SDK1: variants seen among roughly 807,000 people sequenced by gnomAD.
SDK1 encodes protein sidekick-1.
A neutral mutation model predicts 245.5 loss-of-function variants in SDK1; 157 were observed. The ratio of observed to expected loss-of-function variants is 0.64; its 90% confidence interval spans 0.56 to 0.73. The LOEUF is 0.73. Among genes scored for constraint, SDK1 ranks in the 30% least tolerant of loss-of-function variants. SDK1 has a pLI of 0.00. For missense variants in SDK1, 3,583 were observed against 3,002.3 expected (o/e 1.19, Z -4.52); for synonymous variants, 1,647 against 1,278.5 (o/e 1.29, Z -6.15).
At chr7:3,816,509 A>G (rs1181079438) in intron 4 of SDK1, among the ~76,000 whole-genome samples, 5 of 151,382 alleles carry the variant, frequency 3.3e-5, no homozygotes, top group Non-Finnish European at 5.9e-5. Flanking sequence ...AAATGGATAC[A>G]TTCCTTGACA....
intron 5 of SDK1, among the ~76,000 whole-genome samples, chr7:3,897,770 A>C (rs757490833): frequency 1.3e-5 from 2 of 151,848 alleles, no homozygotes; most frequent in Non-Finnish European, 2.9e-5. Context: ...TGTGTGTTAT[A>C]ATGGGAAGAA....
chr7:3,363,164 A>G (rs1452218698), intron 1 of SDK1, among the ~76,000 whole-genome samples: 3 of 152,230 alleles, frequency 2.0e-5, no homozygotes, highest in Non-Finnish European at 2.9e-5. Flanking sequence ...CTCGGCAACC[A>G]TGAATCTGTT....
At chr7:3,935,025 A>T (rs1452314066) in intron 5 of SDK1, among the ~76,000 whole-genome samples, 1 of 152,220 alleles carries the variant, frequency 6.6e-6, no homozygotes, top group Non-Finnish European at 1.5e-5. Context: ...ATTGGCAAGA[A>T]CAACTTTGAG....
intron 12 of SDK1, among the ~76,000 whole-genome samples, chr7:3,973,684 A>G (rs1159444525): frequency 6.6e-6 from 1 of 151,986 alleles, no homozygotes; most frequent in Non-Finnish European, 1.5e-5. Flanking sequence ...CGGGGCAGGA[A>G]TGTTGGGTGC....
chr7:4,119,185 C>T (rs767643333), intron 25 of SDK1, among the ~76,000 whole-genome samples: 1 of 148,522 alleles, frequency 6.7e-6, no homozygotes, highest in Admixed American at 6.7e-5. Context: ...GGCTGTGATT[C>T]GTACCTGTAA....
At chr7:3,525,257 G>C (rs961801405) in intron 1 of SDK1, among the ~76,000 whole-genome samples, 1 of 152,028 alleles carries the variant, frequency 6.6e-6, no homozygotes, top group Non-Finnish European at 1.5e-5. Flanking sequence ...TGTACGTGAT[G>C]ATGGGCCTCT....
intron 1 of SDK1, among the ~76,000 whole-genome samples, chr7:3,505,422 A>T (rs1231230632): frequency 6.6e-6 from 1 of 151,992 alleles, no homozygotes; most frequent in Non-Finnish European, 1.5e-5. Context: ...CCAGTTTTTG[A>T]AATCTTTTTG....
intron 5 of SDK1, among the ~76,000 whole-genome samples, chr7:3,906,555 G>T (rs1778943949): frequency 6.7e-6 from 1 of 149,696 alleles, no homozygotes. Context: ...ATGGTTTAGA[G>T]CTGGTTTAAA....
intron 1 of SDK1, among the ~76,000 whole-genome samples, chr7:3,446,552 G>C (rs929750498): frequency 2.6e-5 from 4 of 152,148 alleles, no homozygotes; most frequent in Admixed American, 2.0e-4. Flanking sequence ...TGCAGAAGCT[G>C]TATCATGCTA....
chr7:3,987,116 A>C, intron 13 of SDK1, 70 bp from the exon 14 acceptor site: 12 of 1,521,434 alleles, frequency 7.9e-6, no homozygotes, highest in South Asian at 1.2e-5. Flanking sequence ...GTCTGCTGTA[A>C]GAGCTCAGGC....
At chr7:4,223,541 C>T (rs1001567039) in intron 40 of SDK1, among the ~76,000 whole-genome samples, 2 of 152,210 alleles carry the variant, frequency 1.3e-5, no homozygotes, top group African/African-American at 4.8e-5. Context: ...AGGTGCTTCA[C>T]CCATCTCTGC....
At chr7:3,413,694 C>T (rs538567232) in intron 1 of SDK1, among the ~76,000 whole-genome samples, 21 of 151,908 alleles carry the variant, frequency 1.4e-4, no homozygotes, top group African/African-American at 4.6e-4. Context: ...CTCAAACAAA[C>T]AAATAAATAA....
chr7:3,334,008 A>G (rs946548626), intron 1 of SDK1, among the ~76,000 whole-genome samples: 26 of 152,186 alleles, frequency 1.7e-4, no homozygotes, highest in African/African-American at 4.8e-4. Flanking sequence ...AAGTGGCTAC[A>G]TCACACTTAG....
chr7:3,495,300 C>G (rs1232301437), intron 1 of SDK1, among the ~76,000 whole-genome samples: 1 of 148,896 alleles, frequency 6.7e-6, no homozygotes, highest in African/African-American at 2.5e-5. Context: ...CTCTGCCACC[C>G]AGGCTGGAGT....
chr7:4,080,875 AAAAAAAG>A (rs1234286121), intron 22 of SDK1, among the ~76,000 whole-genome samples: 1 of 152,182 alleles, frequency 6.6e-6, no homozygotes, highest in Non-Finnish European at 1.5e-5. Context: ...AAATTACAAT[AAAAAAAG>A]AAAAAAGAAA....
chr7:3,728,332 A>C (rs1779076100), intron 4 of SDK1, among the ~76,000 whole-genome samples: 1 of 152,222 alleles, frequency 6.6e-6, no homozygotes. Context: ...TCTTCTCTTA[A>C]ATCTGACCAA....
rs1389995885 is a variant in SDK1, at chr7:3,359,867, C to G, written c.298+57983C>G. 2.0e-5 allele frequency among the ~76,000 whole-genome samples: 3 copies of G among 152,138 alleles called. No individual in the cohort carries two copies. The East Asian group carries it at 5.8e-4, about 29-fold the overall frequency. ...ACAGGAATTCTTACTGTACCTGTGA[C>G]CCATGAAGTCTTAGGGCAAATGTAG... On this transcript the variant is annotated intron_variant, in intron 1 of 44. Transcript: ENST00000404826.
At chr7:3,390,055 C>T (rs906262246) in intron 1 of SDK1, among the ~76,000 whole-genome samples, 5 of 152,070 alleles carry the variant, frequency 3.3e-5, no homozygotes, top group African/African-American at 1.2e-4. Context: ...TCTTAGAGCT[C>T]TACGGAAAGC....
rs138368275 is a variant in SDK1, at chr7:3,676,483, G to A, written c.713+34378G>A. Among the ~76,000 whole-genome samples the A allele has an allele frequency of 5.7e-3, 873 of 151,998 alleles. 13 individuals are homozygous for A. Among genetic ancestry groups the A allele is most frequent in the Non-Finnish European group, 5.0e-3 (341 of 67,984 alleles). On this transcript the variant is annotated intron_variant, in intron 4 of 44. Coordinates refer to ENST00000404826, the MANE Select transcript of SDK1 (RefSeq NM_152744.4). ...TGGGACTACAGGCGCCTGCCACCAC[G>A]CCCAGCTAATTTTTTATATTGTTAG...
Sources: gnomAD v4.1 joint callset for allele counts (sites outside exome capture counted in the v4.1 genomes callset) on GRCh38, gnomAD v4.1.1 for gene constraint, MANE v1.5 for transcripts, NCBI Gene and HGNC (gene_info 2026-07-23, HGNC 2026-07-21) for gene names.